Variants in MAP2 observed in about 807,000 individuals in gnomAD.
MAP2 encodes microtubule-associated protein 2.
Under a neutral mutation model 137.6 loss-of-function variants are expected in MAP2, and 14 were observed. The ratio of observed to expected loss-of-function variants is 0.10; its 90% CI spans 0.07 to 0.16. The LOEUF (loss-of-function observed/expected upper bound fraction) is 0.16. MAP2 is among the 10% of genes least tolerant of loss of function. The probability of loss-of-function intolerance (pLI) is 1.00; values close to 1 mark genes in which losing one functional copy is unlikely to be tolerated. For missense variants in MAP2, 2,088 were observed against 2,191.5 expected (o/e 0.95, Z 0.94); for synonymous variants, 786 against 782.3 (o/e 1.00, Z -0.08).
chr2:209,591,794 A>G (rs1454159546), intron 3 of MAP2, among the ~76,000 whole-genome samples: 1 of 152,198 alleles, frequency 6.6e-6, no homozygotes. Flanking sequence ...CTACAATAAA[A>G]AGTGAGAAAT....
chr2:209,642,288 G>T (rs1213660622), intron 4 of MAP2, among the ~76,000 whole-genome samples: 1 of 151,866 alleles, frequency 6.6e-6, no homozygotes, highest in East Asian at 1.9e-4. Context: ...GGGGGGATTA[G>T]CTGGCTATAG....
chr2:209,572,087 A>AT (rs985528161), intron 2 of MAP2, among the ~76,000 whole-genome samples: 2 of 151,998 alleles, frequency 1.3e-5, no homozygotes, highest in African/African-American at 2.4e-5. Context: ...AATATAAGTG[A>AT]TTTTTTAAAA....
chr2:209,703,571 A>G (rs545701922), intron 11 of MAP2, among the ~76,000 whole-genome samples: 40 of 152,256 alleles, frequency 2.6e-4, no homozygotes, highest in African/African-American at 6.3e-4. Flanking sequence ...GTATAGAATC[A>G]TTTTTTAAAC....
At chr2:209,430,598 T>G (rs1405320547) in intron 1 of MAP2, among the ~76,000 whole-genome samples, 5 of 152,134 alleles carry the variant, frequency 3.3e-5, no homozygotes, top group Non-Finnish European at 7.4e-5. Context: ...ATTAAGATAG[T>G]CCAGATTCCA....
intron 4 of MAP2, among the ~76,000 whole-genome samples, chr2:209,642,279 G>C (rs772705617): frequency 6.6e-6 from 1 of 151,734 alleles, no homozygotes; most frequent in Admixed American, 6.6e-5. Context: ...TGGTGGATGG[G>C]GGGGATTAGC....
At chr2:209,728,276 G>A (rs1201945427) in intron 14 of MAP2, among the ~76,000 whole-genome samples, 1 of 152,136 alleles carries the variant, frequency 6.6e-6, no homozygotes, top group Non-Finnish European at 1.5e-5. Context: ...CTAGTTGAAA[G>A]TCCAGTATCC....
chr2:209,588,024 C>T (rs2078209187), intron 3 of MAP2, among the ~76,000 whole-genome samples: 1 of 152,182 alleles, frequency 6.6e-6, no homozygotes, highest in African/African-American at 2.4e-5. Context: ...TGTTAACAGG[C>T]ACCTTTGCAC....
At chr2:209,593,507 G>A (rs1158033511) in intron 3 of MAP2, among the ~76,000 whole-genome samples, 1 of 144,432 alleles carries the variant, frequency 6.9e-6, no homozygotes, top group South Asian at 2.2e-4. Flanking sequence ...TATCAGCAGC[G>A]TGTGGTAACT....
At chr2:209,600,915 A>G (rs540568064) in intron 3 of MAP2, among the ~76,000 whole-genome samples, 4 of 152,158 alleles carry the variant, frequency 2.6e-5, no homozygotes, top group African/African-American at 9.7e-5. Context: ...CTTTCTTTAC[A>G]TGCACAGATT....
intron 3 of MAP2, among the ~76,000 whole-genome samples, chr2:209,594,987 G>A (rs2080846135): frequency 6.6e-6 from 1 of 152,074 alleles, no homozygotes; most frequent in Admixed American, 6.6e-5. Context: ...CTTCCCTACT[G>A]AATAGGAATT....
At chr2:209,564,145 G>A (rs1322935306) in intron 2 of MAP2, among the ~76,000 whole-genome samples, 1 of 152,014 alleles carries the variant, frequency 6.6e-6, no homozygotes, top group African/African-American at 2.4e-5. Context: ...AATACGAAAA[G>A]GAAAATGAAT....
chr2:209,689,255 C>T (rs756881587), intron 7 of MAP2, among the ~76,000 whole-genome samples: 1 of 151,768 alleles, frequency 6.6e-6, no homozygotes, highest in South Asian at 2.1e-4. Flanking sequence ...AATTAAATTA[C>T]AAAACTAAAA....
chr2:209,435,948 T>TATATATTATATATA (rs1695876446), intron 1 of MAP2, among the ~76,000 whole-genome samples: 1 of 56,142 alleles, frequency 1.8e-5, no homozygotes, highest in Admixed American at 2.7e-4. Context: ...TAATATATAC[T>TATATATTATATATA]ATATATACAG....
rs1574720649 is a variant in MAP2, at chr2:209,434,739, T to G, written c.-222+10463T>G. Among the ~76,000 whole-genome samples the G allele has an allele frequency of 2.0e-5, 3 of 150,390 alleles. No homozygotes were observed. The East Asian group carries it at 5.8e-4, about 29-fold the overall frequency. On this transcript the variant is annotated intron_variant, in intron 1 of 15. Transcript: ENST00000682079. ...CAGGAGACTGAAGTGAAAGGATTGCTTGAACCATAGAGTTTAAGGCTACAG... is the reference window on the plus strand; with the variant it reads ...CAGGAGACTGAAGTGAAAGGATTGCGTGAACCATAGAGTTTAAGGCTACAG...
chr2:209,637,719 G>A (rs2093681873), intron 4 of MAP2, among the ~76,000 whole-genome samples: 1 of 151,832 alleles, frequency 6.6e-6, no homozygotes, highest in Non-Finnish European at 1.5e-5. Context: ...TTATTGTGAT[G>A]GTTATGATGA....
chr2:209,509,379 A>T (rs747661847), intron 2 of MAP2, among the ~76,000 whole-genome samples: 13 of 151,980 alleles, frequency 8.6e-5, no homozygotes, highest in Non-Finnish European at 1.9e-4. Flanking sequence ...CAAATAAATA[A>T]ATAAATATAT....
chr2:209,513,522 A>G (rs887939881), intron 2 of MAP2, among the ~76,000 whole-genome samples: 1 of 151,854 alleles, frequency 6.6e-6, no homozygotes, highest in Non-Finnish European at 1.5e-5. Flanking sequence ...AAACAATTGT[A>G]TTACATATGA....
intron 1 of MAP2, among the ~76,000 whole-genome samples, chr2:209,453,320 A>G (rs531459177): frequency 2.2e-4 from 34 of 152,334 alleles, no homozygotes; most frequent in African/African-American, 7.9e-4. Flanking sequence ...CAAACTGGCC[A>G]TGATAGTAAC....
chr2:209,675,854 A>G (rs2051142994), intron 5 of MAP2, among the ~76,000 whole-genome samples: 1 of 151,864 alleles, frequency 6.6e-6, no homozygotes, highest in Admixed American at 6.6e-5. Flanking sequence ...ATTAAACAAG[A>G]ATGCAGGACC....
Sources: allele counts gnomAD v4.1 joint callset (sites outside exome capture counted in the v4.1 genomes callset), GRCh38; gene constraint gnomAD v4.1.1; transcripts MANE v1.5; gene names NCBI Gene and HGNC (gene_info 2026-07-23, HGNC 2026-07-21).